The following RBFOX3 variants were observed in gnomAD, a reference collection of about 807,000 sequenced individuals.
RBFOX3 encodes RNA binding fox-1 homolog 3, also known as RNA binding protein fox-1 homolog 3.
A neutral mutation model predicts 48.7 loss-of-function variants in RBFOX3; 17 were observed. The ratio of observed to expected loss-of-function variants is 0.35; its 90% confidence interval spans 0.24 to 0.52. The LOEUF is 0.52. Ranked by LOEUF, RBFOX3 falls within the 20% of genes least tolerant of loss-of-function variation. RBFOX3 has a pLI of 0.94. For synonymous variants in RBFOX3, 212 were observed against 209.5 expected, an observed-to-expected ratio of 1.01 and a Z score of -0.10; for missense variants, 382 against 497.5, an observed-to-expected ratio of 0.77 and a Z score of 2.21.
intron 4 of RBFOX3, among the ~76,000 whole-genome samples, chr17:79,116,470 G>T (rs1328439696): frequency 1.3e-5 from 2 of 152,242 alleles, no homozygotes; most frequent in South Asian, 4.1e-4. Context: ...AGCCAAAATC[G>T]CACTATTGCG....
chr17:79,272,535 C>T (rs538629826), intron 3 of RBFOX3, among the ~76,000 whole-genome samples: 43 of 152,200 alleles, frequency 2.8e-4, no homozygotes, highest in African/African-American at 9.2e-4. Flanking sequence ...CCTGCCCACG[C>T]GGGGCCACGC....
intron 4 of RBFOX3, among the ~76,000 whole-genome samples, chr17:79,182,264 A>G (rs1416369576): frequency 6.6e-6 from 1 of 151,872 alleles, no homozygotes; most frequent in African/African-American, 2.4e-5. Flanking sequence ...AGCCGCCCCC[A>G]CCCCTGCAGG....
At chr17:79,154,191 C>A (rs558153686) in intron 4 of RBFOX3, among the ~76,000 whole-genome samples, 2 of 145,446 alleles carry the variant, frequency 1.4e-5, no homozygotes, top group Non-Finnish European at 3.0e-5. Context: ...TCTTCGAACA[C>A]GCTAAGCTCC....
intron 14 of RBFOX3, among the ~76,000 whole-genome samples, chr17:79,091,327 C>T (rs1437860219): frequency 6.6e-6 from 1 of 152,224 alleles, no homozygotes; most frequent in South Asian, 2.1e-4. Context: ...GGAGCCCAGC[C>T]GTGGCACACT....
At chr17:79,636,014 T>C in the RBFOX3 span, among the ~76,000 whole-genome samples, 2,358 of 152,340 alleles carry the variant, frequency 0.015, 150 homozygotes, top group Admixed American at 0.11. Context: ...ATATTTATTA[T>C]TTTTTAAATG....
chr17:79,201,431 G>A (rs976692544), intron 4 of RBFOX3, among the ~76,000 whole-genome samples: 1 of 151,052 alleles, frequency 6.6e-6, no homozygotes, highest in Non-Finnish European at 1.5e-5. Flanking sequence ...CAGGTGGCCT[G>A]CTGTGAGCTC....
chr17:79,653,857 A>G, the RBFOX3 span, among the ~76,000 whole-genome samples: 1 of 150,176 alleles, frequency 6.7e-6, no homozygotes, highest in East Asian at 1.9e-4. Flanking sequence ...AGCCTAGGCA[A>G]CATAGCAGGA....
chr17:79,103,042 A>T lies in RBFOX3; in HGVS notation c.507+120T>A. Reference sequence around the variant, plus strand: ...TTAGTGCGACCCTTCCTCCCACCCCAGGGAACCCTGGCCAGGCTCTCTGAA... The same window carrying T: ...TTAGTGCGACCCTTCCTCCCACCCCTGGGAACCCTGGCCAGGCTCTCTGAA... On this transcript the variant is annotated intron_variant, in intron 8 of 14. Transcript: ENST00000693108. This position sits in a 1 kb window ranked among gnomAD's most constrained non-coding sequence, Gnocchi z 6.1. 1.3e-6 allele frequency: 1 copy of T among 748,030 alleles called. No homozygotes were observed. The highest frequency in any genetic ancestry group is 2.3e-6 in the Non-Finnish European group (1 of 442,990). The allele number at this position is 748,030 out of a possible 1,614,324, so 46.3% of individuals were successfully genotyped here.
chr17:79,465,370 C>A (rs2076170184), intron 2 of RBFOX3, among the ~76,000 whole-genome samples: 1 of 152,228 alleles, frequency 6.6e-6, no homozygotes, highest in African/African-American at 2.4e-5. Flanking sequence ...CAGAAACAAT[C>A]TCACGCAATC....
chr17:79,217,784 G>C (rs150533856), intron 4 of RBFOX3, among the ~76,000 whole-genome samples: 9 of 152,088 alleles, frequency 5.9e-5, no homozygotes, highest in Non-Finnish European at 1.0e-4. Flanking sequence ...TGGGAGGCAG[G>C]GTGTTTTTTT....
At chr17:79,459,724 C>G (rs1555747522) in intron 2 of RBFOX3, among the ~76,000 whole-genome samples, 1 of 152,102 alleles carries the variant, frequency 6.6e-6, no homozygotes, top group Admixed American at 6.5e-5. Context: ...CTGTTCCTTG[C>G]AGGTGGGACA....
intron 4 of RBFOX3, among the ~76,000 whole-genome samples, chr17:79,117,783 G>A (rs1599510295): frequency 6.6e-6 from 1 of 152,228 alleles, no homozygotes; most frequent in Non-Finnish European, 1.5e-5. Flanking sequence ...CAGGGGCTGT[G>A]TTGACAGCAA....
intron 1 of RBFOX3, among the ~76,000 whole-genome samples, chr17:79,512,932 T>C (rs1421481460): frequency 0.27 from 27,679 of 101,488 alleles, 6,694 homozygotes; most frequent in East Asian, 0.59. Flanking sequence ...CAGATACATG[T>C]TACCATCGGG....
chr17:79,645,626 C>T, the RBFOX3 span, among the ~76,000 whole-genome samples: 2 of 152,214 alleles, frequency 1.3e-5, no homozygotes, highest in East Asian at 1.9e-4. Flanking sequence ...GGAGCCCAGG[C>T]CTGGCATCAC....
At chr17:79,210,876 T>C (rs949481625) in intron 4 of RBFOX3, among the ~76,000 whole-genome samples, 2 of 146,530 alleles carry the variant, frequency 1.4e-5, no homozygotes. Flanking sequence ...CCTGGTCTCC[T>C]CTAGGCAGCG....
chr17:79,373,409 G>A (rs371255370), intron 2 of RBFOX3, among the ~76,000 whole-genome samples: 33 of 152,308 alleles, frequency 2.2e-4, no homozygotes, highest in African/African-American at 5.5e-4. Flanking sequence ...AGCATGTCAC[G>A]TGCTCAGAGC....
chr17:79,173,854 A>C (rs984499267), intron 4 of RBFOX3, among the ~76,000 whole-genome samples: 1 of 143,036 alleles, frequency 7.0e-6, no homozygotes, highest in African/African-American at 2.7e-5. Context: ...TCATTCTGAG[A>C]CCCTCTCCCC....
chr17:79,591,314 A>G (rs1386207823), intron 1 of RBFOX3, among the ~76,000 whole-genome samples: 2 of 152,116 alleles, frequency 1.3e-5, no homozygotes, highest in Non-Finnish European at 2.9e-5. Flanking sequence ...GGCTTCCTTC[A>G]TCTCAAAACT....
chr17:79,306,379 G>A (rs1020938398), intron 3 of RBFOX3, among the ~76,000 whole-genome samples: 1 of 152,266 alleles, frequency 6.6e-6, no homozygotes, highest in South Asian at 2.1e-4. Flanking sequence ...TGGCCCGCAC[G>A]CGTGTGACTC....
Sources: allele counts gnomAD v4.1 joint callset (sites outside exome capture counted in the v4.1 genomes callset), GRCh38; gene constraint gnomAD v4.1.1; non-coding constraint Gnocchi (gnomAD v3.1); transcripts MANE v1.5; gene names NCBI Gene and HGNC (gene_info 2026-07-23, HGNC 2026-07-21).